Variants in ZNF385D observed in about 807,000 individuals in gnomAD.
ZNF385D encodes the protein zinc finger protein 659.
In ZNF385D, 15 loss-of-function variants were observed where a neutral mutation model predicts 35.8. That is an observed-to-expected ratio of 0.42 (90% CI 0.28 to 0.64). ZNF385D has a LOEUF of 0.64. Ranked by LOEUF, ZNF385D falls within the 30% of genes least tolerant of loss-of-function variation. The pLI is 0.23. For synonymous variants in ZNF385D, 212 were observed against 186.8 expected, an observed-to-expected ratio of 1.13 and a Z score of -1.10; for missense variants, 474 against 494.6, an observed-to-expected ratio of 0.96 and a Z score of 0.39.
chr3:22,040,307 C>T (rs1260043517), intron 3 of ZNF385D, among the ~76,000 whole-genome samples: 4 of 152,118 alleles, frequency 2.6e-5, no homozygotes, highest in South Asian at 2.1e-4. Context: ...TCATATTATT[C>T]ACATTTAATT....
At position 22,268,100 on chromosome 3, in the gene ZNF385D, T is replaced by C. The variant is rs569264773; in HGVS notation, c.107-99065A>G. ...AGTTTCAGGTTGTTCTAAGTAATTG[T>C]AACAAAAATTGATTATTTAGTTTTG... is the stretch of plus-strand genomic sequence containing the variant. On this transcript the variant is annotated intron_variant, in intron 2 of 5. Coordinates refer to the ZNF385D transcript ENST00000494108. Among the ~76,000 whole-genome samples the C allele has an allele frequency of 4.7e-4, 71 of 152,012 alleles. 1 individual carries two copies. The highest frequency in any genetic ancestry group is 1.5e-3 in the African/African-American group (64 of 41,520).
intron 3 of ZNF385D, among the ~76,000 whole-genome samples, chr3:22,000,427 G>T (rs1219877820): frequency 6.6e-6 from 1 of 152,148 alleles, no homozygotes; most frequent in African/African-American, 2.4e-5. Flanking sequence ...GCAATGTCAG[G>T]AAGTTACCCT....
At chr3:22,047,614 A>G (rs1398707906) in intron 3 of ZNF385D, among the ~76,000 whole-genome samples, 1 of 152,106 alleles carries the variant, frequency 6.6e-6, no homozygotes, top group Non-Finnish European at 1.5e-5. Flanking sequence ...CATTGTGTGC[A>G]TAAATATACA....
intron 2 of ZNF385D, among the ~76,000 whole-genome samples, chr3:22,323,669 C>T (rs904418800): frequency 2.6e-5 from 4 of 152,094 alleles, no homozygotes; most frequent in African/African-American, 9.7e-5. Context: ...TACGGTAACA[C>T]AAAAATTCTA....
At chr3:21,790,634 T>C (rs1278974398) in intron 3 of ZNF385D, among the ~76,000 whole-genome samples, 9 of 152,136 alleles carry the variant, frequency 5.9e-5, no homozygotes, top group Admixed American at 5.9e-4. Flanking sequence ...ATCTGGGTAT[T>C]ACATTTGCAG....
At chr3:21,466,233 A>G (rs955968614) in intron 4 of ZNF385D, among the ~76,000 whole-genome samples, 1 of 152,114 alleles carries the variant, frequency 6.6e-6, no homozygotes, top group African/African-American at 2.4e-5. Flanking sequence ...TGATGACCTT[A>G]ATATGGTTTA....
chr3:21,772,363 A>T (rs926843665), intron 3 of ZNF385D, among the ~76,000 whole-genome samples: 20 of 147,338 alleles, frequency 1.4e-4, no homozygotes, highest in African/African-American at 4.9e-4. Flanking sequence ...TATAGAGAGA[A>T]CTCCTAAAAC....
At chr3:21,871,386 C>T (rs1422139988) in intron 3 of ZNF385D, among the ~76,000 whole-genome samples, 3 of 152,036 alleles carry the variant, frequency 2.0e-5, no homozygotes, top group East Asian at 1.9e-4. Flanking sequence ...TGCAACTACC[C>T]GAAATATTAA....
At chr3:22,301,579 T>A (rs1422958758) in intron 2 of ZNF385D, among the ~76,000 whole-genome samples, 3 of 152,002 alleles carry the variant, frequency 2.0e-5, no homozygotes, top group African/African-American at 4.8e-5. Flanking sequence ...GCCCATAAAG[T>A]CAAATTATGT....
intron 3 of ZNF385D, among the ~76,000 whole-genome samples, chr3:22,091,572 G>A (rs548448881): frequency 1.4e-5 from 2 of 145,896 alleles, no homozygotes; most frequent in East Asian, 3.9e-4. Context: ...CAGAGTTATT[G>A]TTTTATCTAC....
chr3:22,295,496 G>A (rs1408849326), intron 2 of ZNF385D, among the ~76,000 whole-genome samples: 1 of 152,056 alleles, frequency 6.6e-6, no homozygotes, highest in Non-Finnish European at 1.5e-5. Context: ...AGCAAAACTG[G>A]GCGTACATGT....
In ZNF385D at chr3:21,865,045, C is replaced by CTTTTTTT. The variant is rs3073907; in HGVS notation, c.326-200024_326-200018dup. Among the ~76,000 whole-genome samples the CTTTTTTT allele has an allele frequency of 1.3e-3, 27 of 21,200 alleles. 5 individuals carry two copies. The highest frequency in any genetic ancestry group is 7.7e-3 in the East Asian group (4 of 518). The allele number at this position is 21,200 out of a possible 152,430, so 13.9% of individuals were successfully genotyped here. Reference sequence around the variant, plus strand: ...ATTACTCTGTGGGGTACAGGGAAGACTTTTTTTTTTTTTTTTTTTTTTTTT... The same window carrying CTTTTTTT: ...ATTACTCTGTGGGGTACAGGGAAGACTTTTTTTTTTTTTTTTTTTTTTTTTTTTTTTT... On this transcript the variant is annotated intron_variant, in intron 3 of 5. Transcript: ENST00000494108.
chr3:21,491,370 G>A (rs757655775), intron 4 of ZNF385D, among the ~76,000 whole-genome samples: 1 of 151,940 alleles, frequency 6.6e-6, no homozygotes, highest in Non-Finnish European at 1.5e-5. Context: ...AGTCAGGAAG[G>A]CTTTGAGATG....
chr3:21,934,451 A>C (rs1471703660), intron 3 of ZNF385D, among the ~76,000 whole-genome samples: 2 of 152,136 alleles, frequency 1.3e-5, no homozygotes, highest in African/African-American at 4.8e-5. Context: ...AACCACCATC[A>C]ATTATATATT....
rs2069024883 is a variant in ZNF385D at position 21,732,027 on chromosome 3, GGGGTTTTT to G, written c.22+18860_22+18867del. Among the ~76,000 whole-genome samples, 25 of 64,268 alleles carry G rather than the reference GGGGTTTTT, an allele frequency of 3.9e-4. 7 individuals are homozygous for G. Among genetic ancestry groups the G allele is most frequent in the African/African-American group, 1.7e-3 (20 of 12,032 alleles). 42.2% of individuals were successfully genotyped at this position (64,268 alleles called of 152,430 possible). On this transcript the variant is annotated intron_variant, in intron 1 of 7. Coordinates refer to ENST00000281523, the MANE Select transcript of ZNF385D (RefSeq NM_024697.3). The stretch of plus-strand genomic sequence containing the variant: ...CTATTCAGGGTTTTTTTCTTTTTTC[GGGGTTTTT>G]TTTTTTTTTTTTTTTTTTTTTTTTT...
intron 3 of ZNF385D, among the ~76,000 whole-genome samples, chr3:21,950,727 G>A (rs1440796306): frequency 6.6e-6 from 1 of 151,636 alleles, no homozygotes; most frequent in Non-Finnish European, 1.5e-5. Flanking sequence ...TTTTGCATAA[G>A]GTGTAAGGAA....
chr3:22,140,566 T>C (rs1218266126), intron 3 of ZNF385D, among the ~76,000 whole-genome samples: 2 of 152,172 alleles, frequency 1.3e-5, no homozygotes, highest in Non-Finnish European at 2.9e-5. Context: ...TCCAAATAAA[T>C]TTGTAGTTTA....
At chr3:22,255,422 C>A (rs1700267038) in intron 2 of ZNF385D, among the ~76,000 whole-genome samples, 2 of 151,840 alleles carry the variant, frequency 1.3e-5, no homozygotes, top group African/African-American at 4.8e-5. Flanking sequence ...TACTTACACA[C>A]ACTTAACATT....
At chr3:21,969,539 G>C (rs779518723) in intron 3 of ZNF385D, among the ~76,000 whole-genome samples, 7 of 152,126 alleles carry the variant, frequency 4.6e-5, no homozygotes, top group Non-Finnish European at 8.8e-5. Flanking sequence ...TATAGCATTA[G>C]GTAAACGGAC....
Sources: gnomAD v4.1 joint callset for allele counts (sites outside exome capture counted in the v4.1 genomes callset) on GRCh38, gnomAD v4.1.1 for gene constraint, MANE v1.5 for transcripts, NCBI Gene and HGNC (gene_info 2026-07-23, HGNC 2026-07-21) for gene names.